DNAH8: variants seen among roughly 807,000 people sequenced by gnomAD.
DNAH8 encodes the protein axonemal beta dynein heavy chain 8.
In DNAH8, 382 loss-of-function variants were observed where a neutral mutation model predicts 562.1. The observed-to-expected ratio is 0.68, with a 90% confidence interval of 0.63 to 0.74. DNAH8 has a LOEUF of 0.74. DNAH8 is among the 30% of genes least tolerant of loss of function. The pLI, the probability that DNAH8 is intolerant of heterozygous loss-of-function variation, is 0.00. For synonymous variants in DNAH8, 1,881 were observed against 1,919.4 expected (o/e 0.98, Z 0.52); for missense variants, 5,203 against 5,620.4 (o/e 0.93, Z 2.37).
Position 38,823,013 on chromosome 6 carries a change from G to A in DNAH8, c.3699G>A (p.Glu1233=). The part of the protein sequence containing the change: ...DFQKYKTLWT[E]DRDVKVKEFL... ...AGAAGTACAAGACTCTCTGGACAGA[G>A]GACCGCGATGTGAAAGTGAAGGTGT... Residue 1233 remains glutamate, a synonymous_variant, in exon 27 of 93, where the codon GAG becomes GAA. Transcript: ENST00000327475. 1 of 1,578,832 alleles carries A rather than the reference G, an allele frequency of 6.3e-7. No homozygotes were observed. Among genetic ancestry groups the A allele is most frequent in the Non-Finnish European group, 8.6e-7 (1 of 1,168,952 alleles).
Position 38,781,260 on chromosome 6 carries a change from C to A in DNAH8, c.2146C>A (p.His716Asn), listed in dbSNP as rs1768569619. The change falls in exon 16 of 93, where the codon CAT (histidine) becomes AAT (asparagine). Residue 716 changes from histidine to asparagine, a missense_variant. Around this residue, in one of 6 missense-constraint regions of DNAH8, gnomAD observed 2,176 missense variants for 2,365.1 expected, o/e 0.92. Transcript: ENST00000327475. The stretch of plus-strand genomic sequence containing the variant: ...ATCAGATTTTTAATTACAGCTTTAT[C>A]ATTCTCAGAAAGATGACCCCCCTCT... Reference protein sequence around the residue: ...AELDATKKLYHSQKDDPPLAR... With the variant: ...AELDATKKLYNSQKDDPPLAR... The A allele has an allele frequency of 5.0e-6, 8 of 1,613,492 alleles. No individual in the cohort carries two copies. Among genetic ancestry groups the A allele is most frequent in the Admixed American group, 1.7e-5 (1 of 59,960 alleles).
At chr6:38,790,250 T>A in intron 19 of DNAH8, 39 bp from the exon 20 acceptor site, 1 of 1,058,376 alleles carries the variant, frequency 9.4e-7, no homozygotes, top group South Asian at 1.3e-5. Context: ...CAGATGCTCC[T>A]GTTGATAATA....
intron 79 of DNAH8, among the ~76,000 whole-genome samples, chr6:38,945,204 T>A (rs1283518656): frequency 6.6e-6 from 1 of 152,168 alleles, no homozygotes; most frequent in African/African-American, 2.4e-5. Flanking sequence ...CAAACAAATA[T>A]AATCACTTGA....
intron 31 of DNAH8, among the ~76,000 whole-genome samples, chr6:38,832,962 AGGCCGT>A (rs1413936519): frequency 2.0e-5 from 3 of 151,984 alleles, no homozygotes; most frequent in Admixed American, 6.5e-5. Flanking sequence ...AGTTGTTGGA[AGGCCGT>A]GAGAAACTAT....
intron 45 of DNAH8, among the ~76,000 whole-genome samples, chr6:38,864,804 A>T (rs1776918414): frequency 6.6e-6 from 1 of 152,178 alleles, no homozygotes; most frequent in African/African-American, 2.4e-5. Context: ...TCTGAAGTGG[A>T]TATTATATAG....
intron 68 of DNAH8, among the ~76,000 whole-genome samples, chr6:38,916,070 A>G (rs1781295094): frequency 6.6e-6 from 1 of 152,196 alleles, no homozygotes; most frequent in Non-Finnish European, 1.5e-5. Flanking sequence ...CAATGTGAGC[A>G]TTAAAATTAA....
intron 62 of DNAH8, among the ~76,000 whole-genome samples, chr6:38,904,757 A>T (rs1007239353): frequency 9.3e-5 from 13 of 140,200 alleles, no homozygotes; most frequent in East Asian, 6.4e-4. Context: ...ATGCCATTGC[A>T]CTCCAGCCTG....
intron 42 of DNAH8, among the ~76,000 whole-genome samples, chr6:38,858,131 AG>A (rs1233057091): frequency 6.6e-6 from 1 of 152,216 alleles, no homozygotes; most frequent in Non-Finnish European, 1.5e-5. Context: ...GGCTTGATTT[AG>A]GCAAAGTTCT....
intron 82 of DNAH8, chr6:38,953,222 G>A (rs16891333): frequency 0.13 from 19,929 of 152,124 alleles, 1,534 homozygotes; most frequent in East Asian, 0.31. Flanking sequence ...TCCTTTCTGG[G>A]CCAATCAATG....
chr6:38,828,744 C>T (rs1773582700), intron 30 of DNAH8, among the ~76,000 whole-genome samples: 1 of 152,196 alleles, frequency 6.6e-6, no homozygotes, highest in African/African-American at 2.4e-5. Context: ...ATAGAATACA[C>T]ATACCATAAA....
chr6:38,985,585 G>A (rs1275226416), intron 87 of DNAH8, among the ~76,000 whole-genome samples: 1 of 152,196 alleles, frequency 6.6e-6, no homozygotes, highest in Non-Finnish European at 1.5e-5. Flanking sequence ...GCTGCTGGGA[G>A]GTCAAATGGA....
Position 38,971,620 on chromosome 6 carries a change from A to G in DNAH8, c.12480A>G (p.Gly4160=). The G allele has an allele frequency of 6.2e-7, 1 of 1,602,768 alleles. No individual in the cohort carries two copies. Among genetic ancestry groups the G allele is most frequent in the Non-Finnish European group, 8.5e-7 (1 of 1,175,110 alleles). The change falls in exon 83 of 93, where the codon GGA becomes GGG. Residue 4160 remains glycine, a synonymous_variant. Transcript: ENST00000327475. The part of the protein sequence containing the change: ...LECRTISMGQ[G]QEVHARKLIQ... ...GTAGAACTATCTCAATGGGGCAAGG[A>G]CAAGAAGTACATGCTCGAAAGCTGA... is the stretch of plus-strand genomic sequence containing the variant.
At chr6:38,795,450 G>C (rs1770148217) in intron 21 of DNAH8, among the ~76,000 whole-genome samples, 1 of 152,080 alleles carries the variant, frequency 6.6e-6, no homozygotes, top group African/African-American at 2.4e-5. Context: ...TGTGGTGGCG[G>C]GTGCCTGTAG....
At position 38,860,557 on chromosome 6, in the gene DNAH8, A is replaced by G. The variant is rs765593777; in HGVS notation, c.6059A>G (p.Asp2020Gly). The G allele has an allele frequency of 2.6e-6, 4 of 1,542,712 alleles. No individual in the cohort carries two copies. Among genetic ancestry groups the G allele is most frequent in the Non-Finnish European group, 2.6e-6 (3 of 1,153,136 alleles). The change falls in exon 43 of 93, where the codon GAT becomes GGT. Residue 2020 changes from aspartate (D) to glycine (G), a missense_variant. Coordinates refer to ENST00000327475, the MANE Select transcript of DNAH8 (RefSeq NM_001206927.2). ...DLDQTVVSITDVDFIYQNEFL... is the reference protein window; with the variant it reads ...DLDQTVVSITGVDFIYQNEFL... ...GATCAAACTGTGGTGTCTATTACAG[A>G]TGTTGATTTTATTTACCAAAATGAA...
At chr6:38,829,531 C>T (rs767670569) in intron 30 of DNAH8, among the ~76,000 whole-genome samples, 12 of 152,102 alleles carry the variant, frequency 7.9e-5, no homozygotes, top group South Asian at 4.1e-4. Context: ...GTTAGGGATT[C>T]GACTTCATAT....
Position 38,775,918 on chromosome 6 carries a change from C to G in DNAH8, c.1929C>G (p.Phe643Leu). The change falls in exon 13 of 93, where the codon TTC becomes TTG. Residue 643 changes from phenylalanine (F) to leucine (L), a missense_variant. Coordinates refer to ENST00000327475, the MANE Select transcript of DNAH8 (RefSeq NM_001206927.2). ...DPRRTEFDTDFLDFMTKINGL... is the reference protein window; with the variant it reads ...DPRRTEFDTDLLDFMTKINGL... ...GAAGGACAGAATTTGACACAGATTTCTTAGATTTCATGACAAAAATCAATG... is the reference window on the plus strand; with the variant it reads ...GAAGGACAGAATTTGACACAGATTTGTTAGATTTCATGACAAAAATCAATG... 6.2e-7 allele frequency: 1 copy of G among 1,612,912 alleles called. No individual in the cohort carries two copies. Among genetic ancestry groups the G allele is most frequent in the Non-Finnish European group, 8.5e-7 (1 of 1,179,196 alleles).
At chr6:38,983,367 T>C (rs1472559161) in intron 86 of DNAH8, among the ~76,000 whole-genome samples, 2 of 152,110 alleles carry the variant, frequency 1.3e-5, no homozygotes, top group East Asian at 1.9e-4. Flanking sequence ...CCATGATGAG[T>C]GTTTACTCTA....
At position 38,755,966 on chromosome 6, in the gene DNAH8, T is replaced by C; in HGVS notation, c.1408-6T>C. ...ATGGAATTCACTTAATTTGTTTCAATGTTAGGTTTCCATGGCACATGGAAT... is the reference window on the plus strand; with the variant it reads ...ATGGAATTCACTTAATTTGTTTCAACGTTAGGTTTCCATGGCACATGGAAT... On this transcript the variant is annotated splice_region_variant and splice_polypyrimidine_tract_variant and intron_variant, in intron 9 of 92. Coordinates refer to ENST00000327475, the MANE Select transcript of DNAH8 (RefSeq NM_001206927.2). The C allele has an allele frequency of 6.6e-7, 1 of 1,523,648 alleles. No homozygotes were observed. Among genetic ancestry groups the C allele is most frequent in the Non-Finnish European group, 9.1e-7 (1 of 1,098,732 alleles). 94.4% of individuals were successfully genotyped at this position (1,523,648 alleles called of 1,614,324 possible). A position where few individuals can be genotyped will look rare whatever the true frequency, so the allele number is the denominator to read the frequency against.
intron 73 of DNAH8, among the ~76,000 whole-genome samples, chr6:38,925,331 T>C (rs866408703): frequency 0.013 from 1,865 of 138,552 alleles, 42 homozygotes; most frequent in African/African-American, 0.04. Context: ...TTTATTTTAT[T>C]TTATTTTATT....
Sources: gnomAD v4.1 joint callset for allele counts (sites outside exome capture counted in the v4.1 genomes callset) on GRCh38, gnomAD v4.1.1 for gene constraint, gnomAD v4.1.1 regional missense constraint, MANE v1.5 for transcripts, NCBI Gene and HGNC (gene_info 2026-07-23, HGNC 2026-07-21) for gene names.